Variants in BANK1 observed in about 807,000 individuals in gnomAD.
BANK1 encodes B-cell scaffold protein with ankyrin repeats.
A neutral mutation model predicts 94.5 loss-of-function variants in BANK1; 95 were observed. That is an observed-to-expected ratio of 1.00 (90% CI 0.85 to 1.19). The LOEUF (loss-of-function observed/expected upper bound fraction) is 1.19, where lower values mean the gene tolerates loss of function less well. BANK1 is among the 50% of genes most tolerant of loss of function. The pLI is 0.00. For missense variants in BANK1, 987 were observed against 932.2 expected (o/e 1.06, Z -0.77); for synonymous variants, 334 against 308.4 (o/e 1.08, Z -0.87).
chr4:102,067,204 T>C (rs1728623320), intron 13 of BANK1, among the ~76,000 whole-genome samples: 1 of 152,026 alleles, frequency 6.6e-6, no homozygotes. Flanking sequence ...TAAAAAACTA[T>C]TTGATTCGCC....
rs1308432365 is a variant in BANK1, at chr4:101,854,603, TTC to T, written c.470-430_470-429del. On this transcript the variant is annotated intron_variant, in intron 2 of 16. Transcript: ENST00000322953. ...TTAGTGATTGTCCCATAATTGTGCT[TTC>T]TGTTTTTTTTTTAAATTAGAAATAT... Among the ~76,000 whole-genome samples the T allele has an allele frequency of 4.6e-5, 7 of 152,236 alleles. No individual in the cohort carries two copies. In the East Asian group the frequency reaches 5.8e-4, roughly 13 times the overall value.
intron 11 of BANK1, among the ~76,000 whole-genome samples, chr4:102,048,077 AT>A (rs1318807815): frequency 1.3e-5 from 2 of 152,156 alleles, no homozygotes; most frequent in African/African-American, 4.8e-5. Flanking sequence ...TAACATTTTA[AT>A]CATATTTTGT....
At chr4:101,893,093 C>G (rs1320268724) in intron 5 of BANK1, among the ~76,000 whole-genome samples, 1 of 151,894 alleles carries the variant, frequency 6.6e-6, no homozygotes, top group African/African-American at 2.4e-5. Flanking sequence ...AAGAGTTATC[C>G]ATATTCTTTC....
rs913735420 is a variant in BANK1 at position 101,856,045 on chromosome 4, C to T, written c.624+856C>T. On this transcript the variant is annotated intron_variant, in intron 3 of 16. Transcript: ENST00000322953. ...ATAAAGAGCCAGAGATACAGGAGAG[C>T]GTTATGGGAGTTGCCTGAAGGAGTC... is the stretch of plus-strand genomic sequence containing the variant. Among the ~76,000 whole-genome samples, 6 of 152,168 alleles carry T rather than the reference C, an allele frequency of 3.9e-5. No individual in the cohort carries two copies. The East Asian group carries it at 7.7e-4, about 20-fold the overall frequency.
chr4:101,904,441 C>A (rs1303422077), intron 6 of BANK1, among the ~76,000 whole-genome samples: 1 of 152,160 alleles, frequency 6.6e-6, no homozygotes, highest in Non-Finnish European at 1.5e-5. Flanking sequence ...TACTTAGTGG[C>A]CATTGTTCTA....
chr4:102,070,953 A>T (rs1017609816), intron 13 of BANK1, among the ~76,000 whole-genome samples: 2 of 152,210 alleles, frequency 1.3e-5, no homozygotes, highest in Admixed American at 1.3e-4. Context: ...AATAAAGTTG[A>T]TTTTTAAAAA....
At chr4:102,007,120 T>TATATATA (rs1301827687) in intron 7 of BANK1, among the ~76,000 whole-genome samples, 33 of 35,264 alleles carry the variant, frequency 9.4e-4, no homozygotes, top group African/African-American at 2.4e-3. Context: ...TAAATATATA[T>TATATATA]TTTATATATA....
intron 7 of BANK1, among the ~76,000 whole-genome samples, chr4:102,018,973 A>G (rs111334592): frequency 0.076 from 11,485 of 151,846 alleles, 1,134 homozygotes; most frequent in African/African-American, 0.23. Context: ...GTGTGCCACC[A>G]TGCCCAACTA....
chr4:102,001,479 A>T (rs1358806457), intron 7 of BANK1, among the ~76,000 whole-genome samples: 2 of 152,198 alleles, frequency 1.3e-5, no homozygotes. Context: ...ACACGCCTGT[A>T]GTCCCAGCTG....
chr4:102,066,411 T>C (rs544810661), intron 13 of BANK1, among the ~76,000 whole-genome samples: 1 of 152,054 alleles, frequency 6.6e-6, no homozygotes, highest in Admixed American at 6.6e-5. Context: ...CACCCGCCAC[T>C]ACGCCCGGCT....
intron 2 of BANK1, among the ~76,000 whole-genome samples, chr4:101,840,661 A>T (rs1727012121): frequency 6.6e-6 from 1 of 152,174 alleles, no homozygotes; most frequent in Non-Finnish European, 1.5e-5. Flanking sequence ...GTTAATCTAT[A>T]ATCTATAGAA....
chr4:101,920,332 G>A (rs75911715), intron 7 of BANK1, among the ~76,000 whole-genome samples: 125 of 152,040 alleles, frequency 8.2e-4, no homozygotes, highest in African/African-American at 2.8e-3. Context: ...TAAGAAACCT[G>A]TGTGTTGTGC....
intron 7 of BANK1, among the ~76,000 whole-genome samples, chr4:102,000,884 G>A (rs772703286): frequency 3.9e-5 from 6 of 152,212 alleles, no homozygotes; most frequent in Non-Finnish European, 8.8e-5. Context: ...TGATGGTGTT[G>A]CTTATAAGTG....
intron 5 of BANK1, among the ~76,000 whole-genome samples, chr4:101,892,646 TA>T (rs1019357759): frequency 1.3e-5 from 2 of 151,934 alleles, no homozygotes; most frequent in African/African-American, 4.8e-5. Flanking sequence ...GTTCATTAAC[TA>T]AAGTCTTAGG....
intron 2 of BANK1, among the ~76,000 whole-genome samples, chr4:101,832,498 T>A (rs1011391489): frequency 6.6e-6 from 1 of 152,182 alleles, no homozygotes; most frequent in African/African-American, 2.4e-5. Context: ...TAATATCTAA[T>A]TAACTTAGTT....
At chr4:101,929,024 C>G (rs1041010295) in intron 7 of BANK1, among the ~76,000 whole-genome samples, 3 of 151,660 alleles carry the variant, frequency 2.0e-5, no homozygotes, top group African/African-American at 7.3e-5. Flanking sequence ...CTCATAACAA[C>G]CTGCTAACTT....
intron 10 of BANK1, among the ~76,000 whole-genome samples, chr4:102,035,435 T>G (rs1157571012): frequency 2.0e-5 from 3 of 151,946 alleles, no homozygotes; most frequent in African/African-American, 4.8e-5. Flanking sequence ...GATCACGAGG[T>G]CAGGAGAGTG....
intron 4 of BANK1, among the ~76,000 whole-genome samples, chr4:101,868,886 T>G (rs1728173364): frequency 6.6e-6 from 1 of 151,810 alleles, no homozygotes; most frequent in Admixed American, 6.6e-5. Context: ...AACTGCCATT[T>G]AACAAATATG....
chr4:101,800,283 A>T lies in BANK1; in HGVS notation c.70+9333A>T, dbSNP rs79361700. Among the ~76,000 whole-genome samples the T allele has an allele frequency of 3.0e-3, 441 of 146,886 alleles. 3 individuals carry two copies. Among genetic ancestry groups the T allele is most frequent in the African/African-American group, 0.01 (414 of 40,266 alleles). On this transcript the variant is annotated intron_variant, in intron 1 of 16. Transcript: ENST00000322953. The stretch of plus-strand genomic sequence containing the variant: ...TACCCTAGAACTTGAAGTATAATTT[A>T]AAAAAAAAAAGAAAAGAAAAAGAAT...
Sources: gnomAD v4.1 joint callset for allele counts (sites outside exome capture counted in the v4.1 genomes callset) on GRCh38, gnomAD v4.1.1 for gene constraint, MANE v1.5 for transcripts, NCBI Gene and HGNC (gene_info 2026-07-23, HGNC 2026-07-21) for gene names.